The following FILIP1L variants were observed in gnomAD, a reference collection of about 807,000 sequenced individuals.
FILIP1L encodes the protein filamin A interacting protein 1 like.
A neutral mutation model predicts 96.6 loss-of-function variants in FILIP1L; 55 were observed. That is an observed-to-expected ratio of 0.57 (90% CI 0.46 to 0.71). The LOEUF (loss-of-function observed/expected upper bound fraction) is 0.71, where lower values mean the gene tolerates loss of function less well. Ranked by LOEUF, FILIP1L falls within the 30% of genes least tolerant of loss-of-function variation. The probability of loss-of-function intolerance (pLI) is 0.00; values close to 1 mark genes in which losing one functional copy is unlikely to be tolerated. For synonymous variants in FILIP1L, 467 were observed against 473.9 expected, an observed-to-expected ratio of 0.99 and a Z score of 0.19; for missense variants, 1,304 against 1,321.2, an observed-to-expected ratio of 0.99 and a Z score of 0.20.
intron 1 of FILIP1L, among the ~76,000 whole-genome samples, chr3:99,998,279 G>C (rs1709739674): frequency 6.6e-6 from 1 of 152,124 alleles, no homozygotes; most frequent in East Asian, 1.9e-4. Flanking sequence ...CCCTAATTTA[G>C]ATCTGAAAAT....
chr3:99,861,055 T>A (rs1225570497), intron 4 of FILIP1L, among the ~76,000 whole-genome samples: 1 of 152,174 alleles, frequency 6.6e-6, no homozygotes, highest in East Asian at 1.9e-4. Context: ...TTTCTCACTT[T>A]TCTTTTTGTT....
intron 1 of FILIP1L, among the ~76,000 whole-genome samples, chr3:99,947,064 G>A (rs968786830): frequency 2.7e-5 from 4 of 148,380 alleles, no homozygotes; most frequent in South Asian, 4.3e-4. Flanking sequence ...CTTGCAGCTG[G>A]GAGGTAGAGG....
intron 4 of FILIP1L, among the ~76,000 whole-genome samples, chr3:99,864,120 TAAGA>T (rs1944395444): frequency 6.6e-6 from 1 of 152,252 alleles, no homozygotes; most frequent in Non-Finnish European, 1.5e-5. Context: ...TTGAAATTAT[TAAGA>T]TAGATTGTAA....
intron 1 of FILIP1L, among the ~76,000 whole-genome samples, chr3:99,999,192 C>G (rs1358338259): frequency 6.6e-6 from 1 of 152,052 alleles, no homozygotes; most frequent in Non-Finnish European, 1.5e-5. Context: ...TTTTAATGAT[C>G]TCTAGGTGAG....
intron 1 of FILIP1L, among the ~76,000 whole-genome samples, chr3:99,970,418 G>T (rs1708779226): frequency 6.6e-6 from 1 of 152,334 alleles, no homozygotes; most frequent in South Asian, 2.1e-4. Flanking sequence ...TAAAGGAAAT[G>T]AATGTGGTTC....
chr3:99,875,795 T>C (rs905560574), intron 4 of FILIP1L, among the ~76,000 whole-genome samples: 3 of 152,202 alleles, frequency 2.0e-5, no homozygotes, highest in African/African-American at 7.2e-5. Flanking sequence ...ATTCAATGTG[T>C]AGCTCACTTG....
intron 1 of FILIP1L, among the ~76,000 whole-genome samples, chr3:100,030,124 A>G (rs560441372): frequency 1.3e-5 from 2 of 152,318 alleles, no homozygotes; most frequent in East Asian, 3.9e-4. Flanking sequence ...AGCACCAAAC[A>G]CTTGCCTAAA....
At chr3:99,989,211 A>G (rs1709441651) in intron 1 of FILIP1L, among the ~76,000 whole-genome samples, 1 of 152,086 alleles carries the variant, frequency 6.6e-6, no homozygotes, top group Non-Finnish European at 1.5e-5. Context: ...GAGGCTTATG[A>G]CTCCAAAGCT....
At chr3:99,881,852 A>T (rs1448233417) in intron 4 of FILIP1L, among the ~76,000 whole-genome samples, 2 of 152,178 alleles carry the variant, frequency 1.3e-5, no homozygotes, top group African/African-American at 4.8e-5. Flanking sequence ...TTTAAGTAAT[A>T]CATTTTTAAA....
chr3:100,086,846 G>T (rs1453598126), intron 1 of FILIP1L, among the ~76,000 whole-genome samples: 1 of 151,950 alleles, frequency 6.6e-6, no homozygotes, highest in Admixed American at 6.6e-5. Flanking sequence ...AATCCTTCAG[G>T]CTCCCTTTTT....
chr3:100,021,372 G>A (rs915579237), intron 1 of FILIP1L, among the ~76,000 whole-genome samples: 9 of 152,134 alleles, frequency 5.9e-5, no homozygotes, highest in African/African-American at 2.2e-4. Flanking sequence ...TCCAAGTTCA[G>A]CATCTCAGCA....
chr3:100,024,794 A>G (rs2064888468), intron 1 of FILIP1L, among the ~76,000 whole-genome samples: 1 of 152,140 alleles, frequency 6.6e-6, no homozygotes. Context: ...TGCTCTCCAC[A>G]CTGTCTTCAT....
intron 1 of FILIP1L, among the ~76,000 whole-genome samples, chr3:99,947,024 A>G (rs1158074861): frequency 1.3e-5 from 2 of 151,306 alleles, no homozygotes; most frequent in East Asian, 2.0e-4. Context: ...GTAATCCCAG[A>G]TACTCGGGAG....
At chr3:100,100,422 C>T (rs1336295060) in intron 1 of FILIP1L, among the ~76,000 whole-genome samples, 2 of 152,170 alleles carry the variant, frequency 1.3e-5, no homozygotes, top group Non-Finnish European at 2.9e-5. Context: ...TAATTACTAT[C>T]ATCTGGATTT....
At chr3:100,009,255 C>T (rs1490197121) in intron 1 of FILIP1L, among the ~76,000 whole-genome samples, 2 of 152,180 alleles carry the variant, frequency 1.3e-5, no homozygotes, top group Non-Finnish European at 2.9e-5. Context: ...AATATAAGAT[C>T]TATCTTCAGT....
intron 4 of FILIP1L, chr3:99,898,089 T>G (rs547625503): frequency 6.6e-6 from 1 of 152,340 alleles, no homozygotes; most frequent in Non-Finnish European, 1.5e-5. Flanking sequence ...TTATCTAAGT[T>G]ATTAGACTCT....
At chr3:99,883,100 A>C (rs1003534322) in intron 4 of FILIP1L, among the ~76,000 whole-genome samples, 2 of 152,216 alleles carry the variant, frequency 1.3e-5, no homozygotes, top group Non-Finnish European at 2.9e-5. Flanking sequence ...AGATATGTCA[A>C]AAGTCTTGTG....
At chr3:100,062,191 A>C (rs1390672780) in intron 1 of FILIP1L, among the ~76,000 whole-genome samples, 2 of 137,486 alleles carry the variant, frequency 1.5e-5, no homozygotes, top group East Asian at 4.3e-4. Flanking sequence ...GGCTCACTGC[A>C]AGCTCCGCCT....
chr3:100,027,373 A>AT (rs1037975920), intron 1 of FILIP1L, among the ~76,000 whole-genome samples: 1 of 152,160 alleles, frequency 6.6e-6, no homozygotes, highest in African/African-American at 2.4e-5. Flanking sequence ...CTTAAAAACA[A>AT]TTTTTTTAAC....
Sources: gnomAD v4.1 joint callset for allele counts (sites outside exome capture counted in the v4.1 genomes callset) on GRCh38, gnomAD v4.1.1 for gene constraint, MANE v1.5 for transcripts, NCBI Gene and HGNC (gene_info 2026-07-23, HGNC 2026-07-21) for gene names.